MCTP1: variants seen among roughly 807,000 people sequenced by gnomAD.
MCTP1 encodes multiple C2 and transmembrane domain containing 1.
A neutral mutation model predicts 120.6 loss-of-function variants in MCTP1; 69 were observed. The ratio of observed to expected loss-of-function variants is 0.57; its 90% CI spans 0.47 to 0.70. MCTP1 has a LOEUF of 0.70. Among genes scored for constraint, MCTP1 ranks in the 30% least tolerant of loss-of-function variants. The probability of loss-of-function intolerance (pLI) is 0.00; values close to 1 mark genes in which losing one functional copy is unlikely to be tolerated. For missense variants in MCTP1, 1,203 were observed against 1,248.8 expected (o/e 0.96, Z 0.55); for synonymous variants, 529 against 493.1 (o/e 1.07, Z -0.96).
At chr5:95,196,910 C>G (rs1207941961) in intron 1 of MCTP1, among the ~76,000 whole-genome samples, 3 of 152,080 alleles carry the variant, frequency 2.0e-5, no homozygotes. Flanking sequence ...TTTTATTAAG[C>G]CAGCTTTTTA....
At chr5:95,077,103 C>A (rs1753762215) in intron 1 of MCTP1, among the ~76,000 whole-genome samples, 1 of 152,132 alleles carries the variant, frequency 6.6e-6, no homozygotes, top group Non-Finnish European at 1.5e-5. Flanking sequence ...TTCCCAGACT[C>A]TTAGTTTGAG....
At chr5:95,010,200 C>T (rs925554884) in intron 2 of MCTP1, among the ~76,000 whole-genome samples, 29 of 152,138 alleles carry the variant, frequency 1.9e-4, no homozygotes, top group African/African-American at 7.0e-4. Context: ...TTCCAGGCAT[C>T]ATCAGGCTTA....
chr5:95,022,147 G>A (rs754621307), intron 1 of MCTP1, among the ~76,000 whole-genome samples: 24 of 152,038 alleles, frequency 1.6e-4, no homozygotes, highest in Admixed American at 3.3e-4. Context: ...GAGTATACCC[G>A]TACTTCTTAG....
chr5:94,902,048 C>A (rs1805683910), intron 10 of MCTP1, among the ~76,000 whole-genome samples: 1 of 152,172 alleles, frequency 6.6e-6, no homozygotes. Flanking sequence ...TTGGGGCTCA[C>A]TCGCCTTTCC....
intron 1 of MCTP1, among the ~76,000 whole-genome samples, chr5:95,019,972 T>C (rs954805896): frequency 1.3e-5 from 2 of 152,114 alleles, no homozygotes; most frequent in Admixed American, 1.3e-4. Flanking sequence ...TGAGGTCCAA[T>C]TGTGTTTCAA....
At chr5:95,266,610 G>A (rs1226699035) in intron 1 of MCTP1, among the ~76,000 whole-genome samples, 1 of 152,156 alleles carries the variant, frequency 6.6e-6, no homozygotes. Context: ...GAATACATAG[G>A]TTCTTGATAC....
chr5:94,739,592 C>T (rs1284596015), intron 19 of MCTP1, among the ~76,000 whole-genome samples: 1 of 152,118 alleles, frequency 6.6e-6, no homozygotes, highest in East Asian at 1.9e-4. Context: ...GCAATTTTAA[C>T]CCTGTAATTA....
intron 2 of MCTP1, among the ~76,000 whole-genome samples, chr5:95,014,752 G>A (rs1342839879): frequency 6.6e-6 from 1 of 152,148 alleles, no homozygotes; most frequent in African/African-American, 2.4e-5. Context: ...AGCAACAGCA[G>A]GGTCTGAGAT....
In MCTP1 at chr5:94,982,037, A is replaced by G. The variant is rs1039806912; in HGVS notation, c.839-28676T>C. 2.6e-5 allele frequency among the ~76,000 whole-genome samples: 4 copies of G among 152,218 alleles called. No individual in the cohort carries two copies. In the East Asian group the frequency reaches 5.8e-4, roughly 22 times the overall value. ...ATAACAGAAAAACAGAATGTACTTA[A>G]AGGGCCAATCATAAAAGGGCAAGTA... On this transcript the variant is annotated intron_variant, in intron 2 of 22. Transcript: ENST00000515393.
At chr5:94,734,553 C>T (rs550021264) in intron 19 of MCTP1, among the ~76,000 whole-genome samples, 3 of 152,238 alleles carry the variant, frequency 2.0e-5, no homozygotes, top group African/African-American at 4.8e-5. Flanking sequence ...ATTTGTTGGG[C>T]CTAAAGTAAT....
chr5:95,180,059 A>G (rs999131822), intron 1 of MCTP1, among the ~76,000 whole-genome samples: 39 of 152,242 alleles, frequency 2.6e-4, no homozygotes, highest in African/African-American at 9.2e-4. Context: ...GAGGGACATT[A>G]TACAATGATA....
intron 10 of MCTP1, among the ~76,000 whole-genome samples, chr5:94,907,307 A>G (rs751070125): frequency 6.6e-5 from 10 of 152,164 alleles, no homozygotes; most frequent in Non-Finnish European, 1.2e-4. Flanking sequence ...AGTGTGCAGC[A>G]TGTTTCTATT....
chr5:94,801,801 T>C (rs1277112991), intron 17 of MCTP1, among the ~76,000 whole-genome samples: 1 of 152,242 alleles, frequency 6.6e-6, no homozygotes, highest in Non-Finnish European at 1.5e-5. Flanking sequence ...GTGACAATCC[T>C]GCAAGCAATC....
At chr5:95,152,154 T>C (rs1396530271) in intron 1 of MCTP1, among the ~76,000 whole-genome samples, 1 of 152,218 alleles carries the variant, frequency 6.6e-6, no homozygotes, top group Non-Finnish European at 1.5e-5. Flanking sequence ...CCATAAATAA[T>C]GTCACTTGCT....
rs1554151244 is a variant in MCTP1, at chr5:94,954,147, CAT to C, written c.839-788_839-787del. ...ACAAATATATATATGCATATATATA[CAT>C]ATATATATGCATATATATACATATA... On this transcript the variant is annotated intron_variant, in intron 2 of 22. Coordinates refer to ENST00000515393, the MANE Select transcript of MCTP1 (RefSeq NM_024717.7). Among the ~76,000 whole-genome samples the C allele has an allele frequency of 6.0e-3, 195 of 32,512 alleles. 34 individuals carry two copies. The highest frequency in any genetic ancestry group is 0.029 in the East Asian group (45 of 1,540). The allele number at this position is 32,512 out of a possible 152,430, so 21.3% of individuals were successfully genotyped here.
intron 1 of MCTP1, among the ~76,000 whole-genome samples, chr5:95,268,435 A>G (rs527810769): frequency 6.6e-6 from 1 of 152,314 alleles, no homozygotes; most frequent in African/African-American, 2.4e-5. Flanking sequence ...GCTACAAGAC[A>G]ATACTCATGA....
At chr5:95,001,855 G>A (rs1010749570) in intron 2 of MCTP1, among the ~76,000 whole-genome samples, 18 of 152,160 alleles carry the variant, frequency 1.2e-4, no homozygotes, top group Non-Finnish European at 2.4e-4. Flanking sequence ...TGTTAATCAC[G>A]AAGACAATGG....
At chr5:95,061,354 GTTTTT>G (rs996635002) in intron 1 of MCTP1, among the ~76,000 whole-genome samples, 1 of 107,346 alleles carries the variant, frequency 9.3e-6, no homozygotes, top group Non-Finnish European at 1.9e-5. Flanking sequence ...CTTTATACAT[GTTTTT>G]TTTTGTTTTC....
intron 1 of MCTP1, among the ~76,000 whole-genome samples, chr5:95,096,911 T>C (rs533269969): frequency 2.0e-5 from 3 of 152,306 alleles, no homozygotes; most frequent in South Asian, 2.1e-4. Context: ...TTGTTCTAAA[T>C]AGCTTAGACG....
Sources: gnomAD v4.1 joint callset for allele counts (sites outside exome capture counted in the v4.1 genomes callset) on GRCh38, gnomAD v4.1.1 for gene constraint, MANE v1.5 for transcripts, NCBI Gene and HGNC (gene_info 2026-07-23, HGNC 2026-07-21) for gene names.